SORBS3: variants seen among roughly 807,000 people sequenced by gnomAD.
SORBS3 encodes the protein vinexin.
SORBS3 carries 69 observed loss-of-function variants against 98.0 expected under a neutral mutation model. That is an observed-to-expected ratio of 0.70 (90% CI 0.58 to 0.86). The LOEUF is 0.86. Ranked by LOEUF, SORBS3 falls within the 40% of genes least tolerant of loss-of-function variation. The probability of loss-of-function intolerance (pLI) is 0.00; values close to 1 mark genes in which losing one functional copy is unlikely to be tolerated. For synonymous variants in SORBS3, 394 were observed against 355.4 expected, an observed-to-expected ratio of 1.11 and a Z score of -1.22; for missense variants, 954 against 908.5, an observed-to-expected ratio of 1.05 and a Z score of -0.64.
At chr8:22,574,509 G>C (rs116853117) in intron 20 of SORBS3, among the ~76,000 whole-genome samples, 158 bp from the exon 21 acceptor site, 6 of 152,144 alleles carry the variant, frequency 3.9e-5, no homozygotes, top group African/African-American at 1.4e-4. Context: ...CTGCCGCTAG[G>C]GGGCAGGAAG....
intron 1 of SORBS3, among the ~76,000 whole-genome samples, 165 bp downstream of exon 1, chr8:22,552,187 CTG>C (rs1289310410): frequency 1.3e-5 from 2 of 152,256 alleles, no homozygotes. Context: ...TCAAGAAAAG[CTG>C]TCCTTGTCCA....
intron 1 of SORBS3, 58 bp downstream of exon 1, chr8:22,552,080 C>T: frequency 1.0e-6 from 1 of 984,978 alleles, no homozygotes; most frequent in Non-Finnish European, 1.2e-6. Flanking sequence ...GGATCCGTGC[C>T]CAACCCCAGG....
rs1008816469 is a variant in SORBS3, at chr8:22,575,094, G to A, written c.*366G>A. Reference sequence around the variant, plus strand: ...GACCAGCTCTCCGCTTTGCCCCCACGGGGTTCCTCTAACCAGAACCAGCTT... The same window carrying A: ...GACCAGCTCTCCGCTTTGCCCCCACAGGGTTCCTCTAACCAGAACCAGCTT... On this transcript the variant is annotated 3_prime_UTR_variant, in exon 21 of 21. Coordinates refer to ENST00000240123, the MANE Select transcript of SORBS3 (RefSeq NM_005775.5). 9.9e-6 allele frequency: 4 copies of A among 405,766 alleles called. No homozygotes were observed. The highest frequency in any genetic ancestry group is 7.4e-5 in the South Asian group (4 of 54,106). 25.1% of individuals were successfully genotyped at this position (405,766 alleles called of 1,614,324 possible).
At chr8:22,551,052 G>T (rs80094225), upstream of SORBS3, among the ~76,000 whole-genome samples, 34 of 152,332 alleles carry the variant, frequency 2.2e-4, no homozygotes, top group African/African-American at 7.9e-4. The surrounding 1 kb of genome is among the most constrained non-coding windows in gnomAD (Gnocchi z 5.8). Context: ...AGAGCAGCGA[G>T]AACAGCGGAA....
intron 1 of SORBS3, among the ~76,000 whole-genome samples, chr8:22,552,914 T>C (rs1840112346): frequency 6.6e-6 from 1 of 152,110 alleles, no homozygotes; most frequent in South Asian, 2.1e-4. Flanking sequence ...GAGCTGCTCC[T>C]CCTCCAGCCT....
At chr8:22,570,268 G>A (rs1470272383) in intron 17 of SORBS3, among the ~76,000 whole-genome samples, 2 of 152,192 alleles carry the variant, frequency 1.3e-5, no homozygotes, top group East Asian at 3.9e-4. Context: ...GACAGGGGAA[G>A]GCAAGGGCTG....
At chr8:22,567,924 T>G (rs1372978839) in intron 16 of SORBS3, among the ~76,000 whole-genome samples, 4 of 151,576 alleles carry the variant, frequency 2.6e-5, no homozygotes, top group Admixed American at 2.0e-4. Context: ...CTTGGTGCAC[T>G]GCAACCTCCA....
In SORBS3 at chr8:22,555,057, G is replaced by T. The variant is rs7008816; in HGVS notation, c.220+77G>T. 8,029 of 1,255,520 alleles carry T rather than the reference G, an allele frequency of 6.4e-3. 400 individuals carry two copies. The African/African-American group carries it at 0.11, about 17-fold the overall frequency. 77.8% of individuals were successfully genotyped at this position (1,255,520 alleles called of 1,614,324 possible). ...ATCTGGCACTGCCCTGTGTCAAGCG[G>T]GAGGGGCAGCAGCTGGAGATGGGGT... On this transcript the variant is annotated intron_variant, in intron 3 of 20. Transcript: ENST00000240123.
At chr8:22,565,082 C>G in intron 10 of SORBS3, 186 bp from the exon 11 acceptor site, 1 of 1,433,800 alleles carries the variant, frequency 7.0e-7, no homozygotes, top group Non-Finnish European at 9.1e-7. Context: ...AGGTGAGAGG[C>G]CGTGGCGGGG....
intron 18 of SORBS3, 126 bp downstream of exon 18, chr8:22,571,347 G>A: frequency 1.6e-6 from 1 of 634,130 alleles, no homozygotes; most frequent in East Asian, 2.8e-5. Flanking sequence ...GGGTGACAGG[G>A]CAGAAGCTAG....
At chr8:22,558,359 C>T (rs1042643987) in intron 5 of SORBS3, among the ~76,000 whole-genome samples, 167 bp downstream of exon 5, 3 of 152,178 alleles carry the variant, frequency 2.0e-5, no homozygotes, top group African/African-American at 7.2e-5. Context: ...TCCCTGTACT[C>T]GGGGCCAGCA....
intron 4 of SORBS3, among the ~76,000 whole-genome samples, chr8:22,557,268 C>T (rs761043014): frequency 3.6e-4 from 55 of 152,142 alleles, no homozygotes; most frequent in Non-Finnish European, 6.6e-4. Context: ...AATGACTGAC[C>T]GGCCGAATGA....
At chr8:22,552,644 C>T (rs2005080) in intron 1 of SORBS3, among the ~76,000 whole-genome samples, 75,642 of 152,106 alleles carry the variant, frequency 0.5, 20,644 homozygotes, top group African/African-American at 0.72. Context: ...CAGTTCTCAC[C>T]GAGCACGAGG....
At position 22,554,301 on chromosome 8, in the gene SORBS3, G is replaced by A. The variant is rs1279360284; in HGVS notation, c.-55-151G>A. ...GGCAGCCTGCAGGCGGGTGCCTGGC[G>A]TGGCCTGTTTCCTGGGTCCTTGAGC... On this transcript the variant is annotated intron_variant, in intron 1 of 20. Coordinates refer to ENST00000240123, the MANE Select transcript of SORBS3 (RefSeq NM_005775.5). The surrounding 1 kb of genome is among the most constrained non-coding windows in gnomAD (Gnocchi z 6.5). 1.4e-5 allele frequency: 10 copies of A among 727,678 alleles called. No individual in the cohort carries two copies. The highest frequency in any genetic ancestry group is 8.5e-4 in the Middle Eastern group (2 of 2,366). 45.1% of individuals were successfully genotyped at this position (727,678 alleles called of 1,614,324 possible).
intron 18 of SORBS3, 130 bp from the exon 19 acceptor site, chr8:22,571,588 A>G: frequency 1.5e-6 from 1 of 689,354 alleles, no homozygotes; most frequent in Non-Finnish European, 2.6e-6. Context: ...TTTGGAGGCT[A>G]AGATGAAGCC....
intron 13 of SORBS3, 63 bp from the exon 14 acceptor site, chr8:22,566,598 G>A (rs1158344281): frequency 5.7e-6 from 9 of 1,578,566 alleles, no homozygotes; most frequent in Non-Finnish European, 7.8e-6. Context: ...CCTGCCCTAG[G>A]TGGGGGTGCA....
intron 18 of SORBS3, 76 bp from the exon 19 acceptor site, chr8:22,571,642 G>T: frequency 8.9e-7 from 1 of 1,118,996 alleles, no homozygotes; most frequent in South Asian, 1.3e-5. Flanking sequence ...CGCCCATTTT[G>T]GGCCTCCTCC....
chr8:22,574,563 C>T (rs1334707538), intron 20 of SORBS3, 104 bp from the exon 21 acceptor site: 1 of 1,132,300 alleles, frequency 8.8e-7, no homozygotes, highest in African/African-American at 1.6e-5. Flanking sequence ...CCCTACAGAA[C>T]TCCCCTACAG....
chr8:22,570,490 G>A (rs1840544768), intron 17 of SORBS3, among the ~76,000 whole-genome samples: 1 of 152,212 alleles, frequency 6.6e-6, no homozygotes, highest in African/African-American at 2.4e-5. Flanking sequence ...ACCTCATAGT[G>A]ACAGTATGGT....
Sources: allele counts gnomAD v4.1 joint callset (sites outside exome capture counted in the v4.1 genomes callset), GRCh38; gene constraint gnomAD v4.1.1; non-coding constraint Gnocchi (gnomAD v3.1); transcripts MANE v1.5; gene names NCBI Gene and HGNC (gene_info 2026-07-23, HGNC 2026-07-21).